PARD3B: variants seen among roughly 807,000 people sequenced by gnomAD.
PARD3B encodes par-3 family cell polarity regulator beta.
Under a neutral mutation model 130.2 loss-of-function variants are expected in PARD3B, and 103 were observed. The ratio of observed to expected loss-of-function variants is 0.79; its 90% confidence interval spans 0.67 to 0.93. The LOEUF is 0.93. PARD3B is among the 40% of genes least tolerant of loss of function. The probability of loss-of-function intolerance (pLI) is 0.00; values close to 1 mark genes in which losing one functional copy is unlikely to be tolerated. For synonymous variants in PARD3B, 583 were observed against 553.2 expected, an observed-to-expected ratio of 1.05 and a Z score of -0.76; for missense variants, 1,609 against 1,499.2, an observed-to-expected ratio of 1.07 and a Z score of -1.21.
intron 4 of PARD3B, among the ~76,000 whole-genome samples, chr2:205,067,095 CTTTTTTTTT>C (rs10672449): frequency 1.7e-4 from 10 of 59,722 alleles, no homozygotes; most frequent in Middle Eastern, 0.016. Context: ...TTTTACTAGG[CTTTTTTTTT>C]TTTTTTTTTT....
chr2:204,829,196 C>T (rs1052624597), intron 2 of PARD3B, among the ~76,000 whole-genome samples: 6 of 152,190 alleles, frequency 3.9e-5, no homozygotes, highest in African/African-American at 1.2e-4. Flanking sequence ...TAAAAGTGCA[C>T]ATAGCCTATT....
chr2:204,907,184 G>C lies in PARD3B; in HGVS notation c.223-57968G>C, dbSNP rs1000880221. Among the ~76,000 whole-genome samples the C allele has an allele frequency of 6.6e-6, 1 of 151,992 alleles. No homozygotes were observed. Among genetic ancestry groups the C allele is most frequent in the Non-Finnish European group, 1.5e-5 (1 of 67,992 alleles). On this transcript the variant is annotated intron_variant, in intron 2 of 22. Coordinates refer to ENST00000406610, the MANE Select transcript of PARD3B (RefSeq NM_001302769.2). The surrounding 1 kb of genome is among the most constrained non-coding windows in gnomAD (Gnocchi z 5.7). Reference sequence around the variant, plus strand: ...TTTAGTAAAGACGGGGTTTCACCGTGTTATCCAGGATGGTCTTGATCTTCT... The same window carrying C: ...TTTAGTAAAGACGGGGTTTCACCGTCTTATCCAGGATGGTCTTGATCTTCT...
intron 19 of PARD3B, among the ~76,000 whole-genome samples, chr2:205,403,902 A>G (rs1222967017): frequency 6.6e-6 from 1 of 152,130 alleles, no homozygotes; most frequent in East Asian, 1.9e-4. Flanking sequence ...ATCTTTTCTT[A>G]CTGGTACAAT....
chr2:204,862,968 A>G (rs1365263814), intron 2 of PARD3B, among the ~76,000 whole-genome samples: 1 of 152,206 alleles, frequency 6.6e-6, no homozygotes, highest in East Asian at 1.9e-4. Flanking sequence ...TCCCAACTGC[A>G]AATGGCGCAA....
intron 2 of PARD3B, among the ~76,000 whole-genome samples, chr2:204,789,345 C>G (rs1023766606): frequency 6.6e-6 from 1 of 152,152 alleles, no homozygotes; most frequent in African/African-American, 2.4e-5. Flanking sequence ...GCCACCACAC[C>G]GAGTCTGGAA....
intron 22 of PARD3B, among the ~76,000 whole-genome samples, chr2:205,586,457 A>G (rs2054200269): frequency 6.6e-6 from 1 of 152,198 alleles, no homozygotes; most frequent in Non-Finnish European, 1.5e-5. Flanking sequence ...TCTGTTGGGA[A>G]GAGATTACTG....
chr2:205,580,912 C>A (rs2053940690), intron 22 of PARD3B, among the ~76,000 whole-genome samples: 1 of 152,116 alleles, frequency 6.6e-6, no homozygotes, highest in African/African-American at 2.4e-5. Context: ...ATAAATTATT[C>A]TATTTCATAG....
chr2:205,337,201 T>C (rs954333388), intron 18 of PARD3B, among the ~76,000 whole-genome samples: 72 of 152,348 alleles, frequency 4.7e-4, no homozygotes, highest in African/African-American at 1.7e-3. Flanking sequence ...GCAACACAGT[T>C]TGGTGAAGAC....
chr2:204,563,256 TC>T (rs2031454737), intron 1 of PARD3B, among the ~76,000 whole-genome samples: 2 of 149,228 alleles, frequency 1.3e-5, no homozygotes, highest in Admixed American at 6.7e-5. Context: ...TCTCTCTCTC[TC>T]TCTCTCTCTT....
rs1342939265 is a variant in PARD3B, at chr2:205,264,408, C to A, written c.2185+18586C>A. Among the ~76,000 whole-genome samples the A allele has an allele frequency of 2.0e-5, 3 of 151,072 alleles. 1 individual carries two copies. Among genetic ancestry groups the A allele is most frequent in the Non-Finnish European group, 1.5e-5 (1 of 67,598 alleles). On this transcript the variant is annotated intron_variant, in intron 16 of 22. Coordinates refer to ENST00000406610, the MANE Select transcript of PARD3B (RefSeq NM_001302769.2). ...TATTATCATGTTCAGTGGTTTGAAA[C>A]AACTAGAATTTTTCTCTGAAAATTA...
chr2:205,219,857 C>T (rs985416395), intron 15 of PARD3B, among the ~76,000 whole-genome samples: 1 of 152,122 alleles, frequency 6.6e-6, no homozygotes, highest in Non-Finnish European at 1.5e-5. Flanking sequence ...GGCAAAAGTG[C>T]CATGAAGAGA....
At chr2:205,520,234 G>A (rs959379509) in intron 21 of PARD3B, among the ~76,000 whole-genome samples, 23 of 152,194 alleles carry the variant, frequency 1.5e-4, no homozygotes, top group Non-Finnish European at 4.4e-5. Flanking sequence ...CCAGGATGGG[G>A]AGGGTCTGTG....
intron 4 of PARD3B, among the ~76,000 whole-genome samples, chr2:205,080,478 G>A (rs985630900): frequency 3.3e-5 from 5 of 152,058 alleles, no homozygotes; most frequent in African/African-American, 1.2e-4. Flanking sequence ...GAAAAAATAA[G>A]AATACTCTTC....
chr2:205,614,326 C>A (rs1279402764), intron 22 of PARD3B, among the ~76,000 whole-genome samples: 1 of 152,176 alleles, frequency 6.6e-6, no homozygotes, highest in Non-Finnish European at 1.5e-5. Context: ...GTACAACTTA[C>A]AGCTGGTTTG....
In PARD3B at chr2:205,081,285, A is replaced by T. The variant is rs574721089; in HGVS notation, c.505-23141A>T. Among the ~76,000 whole-genome samples, 739 of 144,212 alleles carry T rather than the reference A, an allele frequency of 5.1e-3. 7 individuals are homozygous for T. The highest frequency in any genetic ancestry group is 0.02 in the African/African-American group (681 of 34,476). 94.6% of individuals were successfully genotyped at this position (144,212 alleles called of 152,430 possible). A position where few individuals can be genotyped will look rare whatever the true frequency, so the allele number is the denominator to read the frequency against. ...AAAATCTGTAATCTACCTGAAATTT[A>T]TTTTTTTCTGTGGCATAATCTAGAG... On this transcript the variant is annotated intron_variant, in intron 4 of 22. Coordinates refer to ENST00000406610, the MANE Select transcript of PARD3B (RefSeq NM_001302769.2).
At position 204,849,800 on chromosome 2, in the gene PARD3B, AT is replaced by A. The variant is rs548233607; in HGVS notation, c.223-115343del. On this transcript the variant is annotated intron_variant, in intron 2 of 22. Coordinates refer to ENST00000406610, the MANE Select transcript of PARD3B (RefSeq NM_001302769.2). ...GACTAGAGCTTATGTTTAAATTAGC[AT>A]TTTTTTTTGCAGCTGGCCTAGGTAA... Among the ~76,000 whole-genome samples the A allele has an allele frequency of 8.5e-4, 128 of 151,064 alleles. 1 individual carries two copies. The highest frequency in any genetic ancestry group is 2.7e-3 in the African/African-American group (112 of 41,234).
chr2:204,587,472 A>G (rs1020993659), intron 1 of PARD3B, among the ~76,000 whole-genome samples: 6 of 152,238 alleles, frequency 3.9e-5, no homozygotes, highest in Admixed American at 1.3e-4. Context: ...GAGCTCTTCT[A>G]TAATCGAAAT....
intron 2 of PARD3B, among the ~76,000 whole-genome samples, chr2:204,911,692 C>T (rs763334150): frequency 2.0e-5 from 3 of 152,164 alleles, no homozygotes; most frequent in South Asian, 2.1e-4. Flanking sequence ...TTGCCAGGGT[C>T]AACAGAAGGT....
At chr2:204,553,068 C>A (rs182479453) in intron 1 of PARD3B, among the ~76,000 whole-genome samples, 4,030 of 151,792 alleles carry the variant, frequency 0.027, 76 homozygotes, top group Non-Finnish European at 0.039. Flanking sequence ...AAGAAAAAAA[C>A]CAAACAATCC....
Sources: gnomAD v4.1 joint callset for allele counts (sites outside exome capture counted in the v4.1 genomes callset) on GRCh38, gnomAD v4.1.1 for gene constraint, Gnocchi (gnomAD v3.1) non-coding constraint, MANE v1.5 for transcripts, NCBI Gene and HGNC (gene_info 2026-07-23, HGNC 2026-07-21) for gene names.